The following PAMR1 variants were observed in gnomAD, a reference collection of about 807,000 sequenced individuals.
The protein encoded by PAMR1 is peptidase domain containing associated with muscle regeneration 1.
A neutral mutation model predicts 81.8 loss-of-function variants in PAMR1; 88 were observed. The observed-to-expected ratio is 1.08, with a 90% CI of 0.91 to 1.28. PAMR1 has a LOEUF of 1.28. Among genes scored for constraint, PAMR1 ranks in the 50% most tolerant of loss-of-function variants. The pLI, the probability that PAMR1 is intolerant of heterozygous loss-of-function variation, is 0.00. For missense variants in PAMR1, 935 were observed against 919.7 expected (o/e 1.02, Z -0.21); for synonymous variants, 336 against 345.3 (o/e 0.97, Z 0.30).
At chr11:35,530,201 C>G (rs1005477086), upstream of PAMR1, 2 of 152,244 alleles carry the variant, frequency 1.3e-5, no homozygotes, top group Admixed American at 6.5e-5. Flanking sequence ...TCAGCCAAGG[C>G]CAGAGATGGA....
At chr11:35,436,533 C>T (rs1452053262) in intron 8 of PAMR1, among the ~76,000 whole-genome samples, 2 of 152,152 alleles carry the variant, frequency 1.3e-5, no homozygotes, top group Admixed American at 6.5e-5. Flanking sequence ...AATCCACTCA[C>T]CTTGGCCTCC....
chr11:35,477,662 T>C (rs1850306794), intron 3 of PAMR1, among the ~76,000 whole-genome samples: 1 of 152,212 alleles, frequency 6.6e-6, no homozygotes, highest in African/African-American at 2.4e-5. Context: ...GGCAAACTCT[T>C]AGCAGGAAAA....
At position 35,505,325 on chromosome 11, in the gene PAMR1, G is replaced by A. The variant is rs376318004; in HGVS notation, c.74-11053C>T. On this transcript the variant is annotated intron_variant, in intron 1 of 10. Coordinates refer to ENST00000619888, the MANE Select transcript of PAMR1 (RefSeq NM_001001991.3). ...ATAATGTGTATTCTGTAGCAACTGG[G>A]TGAAATCTACTGGGTAAATGTCAGT... Among the ~76,000 whole-genome samples, 31 of 152,202 alleles carry A rather than the reference G, an allele frequency of 2.0e-4. No homozygotes were observed. The East Asian group carries it at 4.6e-3, about 23-fold the overall frequency.
intron 3 of PAMR1, among the ~76,000 whole-genome samples, chr11:35,487,869 G>C (rs534499192): frequency 6.6e-6 from 1 of 152,198 alleles, no homozygotes; most frequent in African/African-American, 2.4e-5. Flanking sequence ...TATAAAATGG[G>C]AGTATGTATT....
upstream of PAMR1, chr11:35,528,883 C>CA (rs779291380): frequency 1.1e-4 from 17 of 152,192 alleles, no homozygotes; most frequent in Non-Finnish European, 1.8e-4. Context: ...AAGAAACTCT[C>CA]AAAAAGATGC....
upstream of PAMR1, among the ~76,000 whole-genome samples, chr11:35,528,482 A>G (rs1180362873): frequency 6.6e-6 from 1 of 152,192 alleles, no homozygotes; most frequent in Admixed American, 6.5e-5. Flanking sequence ...TGTTCTTTTT[A>G]AAAATGCAAT....
At chr11:35,470,886 T>C in intron 4 of PAMR1, 68 bp from the exon 5 acceptor site, 1 of 1,081,348 alleles carries the variant, frequency 9.2e-7, no homozygotes, top group Non-Finnish European at 1.4e-6. Context: ...GCTGGGCTCA[T>C]TCAAGGCCAG....
intron 1 of PAMR1, among the ~76,000 whole-genome samples, chr11:35,511,718 G>A (rs1400497): frequency 0.13 from 20,199 of 152,128 alleles, 1,496 homozygotes; most frequent in East Asian, 0.33. Context: ...AGGCAGCTTG[G>A]GCTCCTCACC....
At chr11:35,451,623 GC>G (rs1856419861) in intron 6 of PAMR1, among the ~76,000 whole-genome samples, 1 of 152,178 alleles carries the variant, frequency 6.6e-6, no homozygotes, top group Non-Finnish European at 1.5e-5. Flanking sequence ...TCAGGATAGA[GC>G]CAAGTGATGC....
chr11:35,432,352 T>C lies in PAMR1; in HGVS notation c.*4A>G. On this transcript the variant is annotated 3_prime_UTR_variant, in exon 11 of 11. Coordinates refer to ENST00000619888, the MANE Select transcript of PAMR1 (RefSeq NM_001001991.3). ...ACACTTCTCAAGGAGTGCATGAGCATGGTTCATTTCATATTTCTTTCAATC... is the reference window on the plus strand; with the variant it reads ...ACACTTCTCAAGGAGTGCATGAGCACGGTTCATTTCATATTTCTTTCAATC... 1 of 1,604,918 alleles carries C rather than the reference T, an allele frequency of 6.2e-7. No homozygotes were observed. The highest frequency in any genetic ancestry group is 1.1e-5 in the South Asian group (1 of 90,942).
In PAMR1 at chr11:35,470,656, G is replaced by C. The variant is rs199896140; in HGVS notation, c.657C>G (p.His219Gln). 1.9e-5 allele frequency: 31 copies of C among 1,614,228 alleles called. No homozygotes were observed. The African/African-American group carries it at 2.9e-4, about 15-fold the overall frequency. ...SIGSSLHVLF[H>Q]SDGSKNFDGF... The stretch of plus-strand genomic sequence containing the variant: ...CGTCAAAATTCTTGGAGCCATCGGA[G>C]TGGAAGAGGACGTGGAGTGAGGATC... Residue 219 changes from histidine (H) to glutamine (Q), a missense_variant, in exon 5 of 11, where the codon CAC becomes CAG. Coordinates refer to ENST00000619888, the MANE Select transcript of PAMR1 (RefSeq NM_001001991.3).
At position 35,432,573 on chromosome 11, in the gene PAMR1, C is replaced by A. The variant is rs1200999804; in HGVS notation, c.1946G>T (p.Cys649Phe). ...AGGGGCAGTGGGTTCCCAGCTGGCA[C>A]AGAACATGTTATCAGTGACACTCAC... ...IPVSVTDNMF[C>F]ASWEPTAPSD... is the part of the protein sequence containing the mutation. Residue 649 changes from cysteine (C) to phenylalanine (F), a missense_variant, in exon 11 of 11, where the codon TGT (cysteine) becomes TTT (phenylalanine). By Grantham distance (205) the Cys-to-Phe change is radical (BLOSUM62 -2). Transcript: ENST00000619888. 2 of 1,614,090 alleles carry A rather than the reference C, an allele frequency of 1.2e-6. No individual in the cohort carries two copies. The highest frequency in any genetic ancestry group is 2.7e-5 in the African/African-American group (2 of 74,934).
At chr11:35,445,080 G>A (rs967737075) in intron 6 of PAMR1, among the ~76,000 whole-genome samples, 6 of 152,050 alleles carry the variant, frequency 3.9e-5, no homozygotes, top group African/African-American at 1.4e-4. Context: ...GTATTCCTAG[G>A]CATTTTATTC....
upstream of PAMR1, chr11:35,525,700 C>A: frequency 1.2e-6 from 1 of 810,588 alleles, no homozygotes; most frequent in Admixed American, 2.1e-5. Context: ...AGCGGGAGCT[C>A]GGGTTTCAGC....
intron 1 of PAMR1, among the ~76,000 whole-genome samples, chr11:35,521,769 C>T (rs1851283811): frequency 6.6e-6 from 1 of 152,200 alleles, no homozygotes; most frequent in Non-Finnish European, 1.5e-5. Flanking sequence ...TATATGTCCT[C>T]CAGGTAACGG....
chr11:35,435,655 A>C (rs1856025052), intron 9 of PAMR1, among the ~76,000 whole-genome samples: 1 of 152,114 alleles, frequency 6.6e-6, no homozygotes, highest in Non-Finnish European at 1.5e-5. Flanking sequence ...TGACTTAATG[A>C]CCATTTTTTC....
intron 1 of PAMR1, among the ~76,000 whole-genome samples, chr11:35,506,063 T>C (rs557897850): frequency 5.9e-5 from 9 of 152,036 alleles, no homozygotes; most frequent in African/African-American, 2.2e-4. Context: ...TACAAAAATA[T>C]CTTATAGATA....
chr11:35,465,347 G>T (rs1215668457), intron 6 of PAMR1, among the ~76,000 whole-genome samples: 4 of 152,074 alleles, frequency 2.6e-5, no homozygotes, highest in Admixed American at 2.6e-4. Context: ...TCTAATTTGG[G>T]CACTTCAGAG....
chr11:35,513,310 G>A (rs1851106582), intron 1 of PAMR1: 2 of 152,156 alleles, frequency 1.3e-5, no homozygotes, highest in Non-Finnish European at 2.9e-5. Flanking sequence ...ATAGCATAGG[G>A]ACAATTAACA....
Sources: gnomAD v4.1 joint callset for allele counts (sites outside exome capture counted in the v4.1 genomes callset) on GRCh38, gnomAD v4.1.1 for gene constraint, MANE v1.5 for transcripts, NCBI Gene and HGNC (gene_info 2026-07-23, HGNC 2026-07-21) for gene names.